CTNNA2: variants seen among roughly 807,000 people sequenced by gnomAD.
CTNNA2 encodes the protein catenin alpha 2.
Under a neutral mutation model 101.0 loss-of-function variants are expected in CTNNA2, and 42 were observed. The ratio of observed to expected loss-of-function variants is 0.42; its 90% CI spans 0.32 to 0.54. The LOEUF (loss-of-function observed/expected upper bound fraction) is 0.54. CTNNA2 is among the 20% of genes least tolerant of loss of function. CTNNA2 has a pLI of 0.14. For missense variants in CTNNA2, 871 were observed against 1,223.1 expected (o/e 0.71, Z 4.29); for synonymous variants, 450 against 456.4 (o/e 0.99, Z 0.18).
chr2:79,601,724 A>C (rs1376307760), intron 1 of CTNNA2, among the ~76,000 whole-genome samples: 1 of 152,258 alleles, frequency 6.6e-6, no homozygotes, highest in Non-Finnish European at 1.5e-5. Flanking sequence ...GGTGTGACAC[A>C]GAAGACTTCC....
chr2:80,035,950 C>T (rs1409597934), intron 7 of CTNNA2, among the ~76,000 whole-genome samples: 1 of 152,138 alleles, frequency 6.6e-6, no homozygotes, highest in Non-Finnish European at 1.5e-5. Context: ...TGACAGGTCA[C>T]AGAGATAGGA....
intron 7 of CTNNA2, among the ~76,000 whole-genome samples, chr2:80,373,587 C>T (rs1675650377): frequency 6.6e-6 from 1 of 152,066 alleles, no homozygotes; most frequent in African/African-American, 2.4e-5. Flanking sequence ...TATTTGAGGA[C>T]CAATAAGGAA....
At chr2:80,211,453 G>A (rs1410860067) in intron 7 of CTNNA2, among the ~76,000 whole-genome samples, 2 of 152,108 alleles carry the variant, frequency 1.3e-5, no homozygotes, top group Non-Finnish European at 2.9e-5. Context: ...AGTTTTCCCA[G>A]CACCATTTAT....
At position 79,535,458 on chromosome 2, in the gene CTNNA2, C is replaced by T. The variant is rs552068063; in HGVS notation, c.-6+22251C>T. On this transcript the variant is annotated intron_variant, in intron 1 of 18. Transcript: ENST00000402739. The stretch of plus-strand genomic sequence containing the variant: ...TGACCTCGTGATCCGCCTGCCTCAG[C>T]CTCCCAAAGTGCTAGGATTACAGGG... Among the ~76,000 whole-genome samples, 184 of 152,136 alleles carry T rather than the reference C, an allele frequency of 1.2e-3. 1 individual carries two copies. The highest frequency in any genetic ancestry group is 4.1e-3 in the African/African-American group (170 of 41,488).
At chr2:80,076,520 C>T (rs532621374) in intron 7 of CTNNA2, among the ~76,000 whole-genome samples, 2 of 151,774 alleles carry the variant, frequency 1.3e-5, no homozygotes, top group African/African-American at 2.4e-5. Context: ...TGGGCTCAAG[C>T]GATCCTCCTG....
In CTNNA2 at chr2:80,169,118, C is replaced by T. The variant is rs533550639; in HGVS notation, c.1057-224093C>T. On this transcript the variant is annotated intron_variant, in intron 7 of 18. Coordinates refer to ENST00000402739, the MANE Select transcript of CTNNA2 (RefSeq NM_001282597.3). ...TACCAAGGCCTTAAAACTGACTATC[C>T]AAATAGCTCCGAGCTGGCTTCCAGG... 5.3e-5 allele frequency among the ~76,000 whole-genome samples: 8 copies of T among 152,298 alleles called. No individual in the cohort carries two copies. The South Asian group carries it at 1.7e-3, about 32-fold the overall frequency.
At chr2:80,594,472 G>T (rs531054586) in intron 15 of CTNNA2, among the ~76,000 whole-genome samples, 36 of 151,750 alleles carry the variant, frequency 2.4e-4, no homozygotes, top group African/African-American at 8.4e-4. Flanking sequence ...TTCACTATTT[G>T]TTGATAGTGT....
intron 7 of CTNNA2, among the ~76,000 whole-genome samples, chr2:79,939,256 T>C (rs1157792895): frequency 6.6e-6 from 1 of 151,910 alleles, no homozygotes; most frequent in Non-Finnish European, 1.5e-5. Context: ...CATGGGTAGC[T>C]GAAGTAGCTT....
At chr2:79,530,184 A>G (rs1010394881) in intron 1 of CTNNA2, among the ~76,000 whole-genome samples, 1 of 152,134 alleles carries the variant, frequency 6.6e-6, no homozygotes, top group African/African-American at 2.4e-5. Context: ...TACTACACGA[A>G]TCAATTATTG....
At chr2:80,392,780 G>A (rs940055403) in intron 7 of CTNNA2, among the ~76,000 whole-genome samples, 3 of 152,224 alleles carry the variant, frequency 2.0e-5, no homozygotes, top group Non-Finnish European at 4.4e-5. Context: ...ATAAAATTCC[G>A]AATTCTGGTG....
intron 3 of CTNNA2, among the ~76,000 whole-genome samples, chr2:79,778,349 A>T (rs1053980047): frequency 4.6e-5 from 7 of 152,226 alleles, no homozygotes; most frequent in Non-Finnish European, 7.4e-5. Context: ...CATCAAAAAA[A>T]AAAATAAAAA....
chr2:79,557,471 A>T (rs1461157905), intron 1 of CTNNA2, among the ~76,000 whole-genome samples: 5 of 147,682 alleles, frequency 3.4e-5, no homozygotes, highest in Non-Finnish European at 7.5e-5. Flanking sequence ...TTCCTTAGTT[A>T]AAAAAAAAAT....
At chr2:79,293,024 C>G (rs1177988761) in intron 2 of CTNNA2, 1 of 152,298 alleles carries the variant, frequency 6.6e-6, no homozygotes, top group Non-Finnish European at 1.5e-5. Context: ...ATCTCTTTGT[C>G]ACATTTTCAT....
intron 7 of CTNNA2, among the ~76,000 whole-genome samples, chr2:80,342,515 A>G (rs1205714803): frequency 6.6e-6 from 1 of 152,244 alleles, no homozygotes; most frequent in Non-Finnish European, 1.5e-5. Context: ...TGAAATTAAC[A>G]TACAAATTAC....
At chr2:79,218,350 T>TGTGTA (rs1553383232) in intron 2 of CTNNA2, among the ~76,000 whole-genome samples, 4 of 60,022 alleles carry the variant, frequency 6.7e-5, no homozygotes, top group African/African-American at 2.6e-4. Context: ...TGTGTGTGTG[T>TGTGTA]ATTTTTTTTT....
intron 2 of CTNNA2, among the ~76,000 whole-genome samples, chr2:79,229,338 G>A (rs1387268885): frequency 3.3e-5 from 5 of 152,114 alleles, no homozygotes; most frequent in Admixed American, 3.3e-4. Context: ...GGAGGTAATT[G>A]AATCATGAGG....
intron 2 of CTNNA2, among the ~76,000 whole-genome samples, chr2:79,312,490 A>C (rs987441041): frequency 2.6e-5 from 4 of 152,200 alleles, no homozygotes; most frequent in African/African-American, 4.8e-5. Flanking sequence ...TTTGTGTGTC[A>C]GAAATTATGA....
chr2:79,999,968 G>A (rs918900171), intron 7 of CTNNA2, among the ~76,000 whole-genome samples: 14 of 152,294 alleles, frequency 9.2e-5, no homozygotes, highest in African/African-American at 3.4e-4. Flanking sequence ...AAGGAAAGAA[G>A]ACCTGTGGGG....
At chr2:80,313,248 A>T (rs1677772771) in intron 7 of CTNNA2, 3 of 465,622 alleles carry the variant, frequency 6.4e-6, no homozygotes, top group South Asian at 4.0e-5. Flanking sequence ...TTATCTCTTC[A>T]TTCAAGCTGT....
Sources: gnomAD v4.1 joint callset for allele counts (sites outside exome capture counted in the v4.1 genomes callset) on GRCh38, gnomAD v4.1.1 for gene constraint, MANE v1.5 for transcripts, NCBI Gene and HGNC (gene_info 2026-07-23, HGNC 2026-07-21) for gene names.